The following LHX4 variants were observed in gnomAD, a reference collection of about 807,000 sequenced individuals.
LHX4 encodes LIM homeobox 4, also known as LIM/homeobox protein Lhx4.
In LHX4, 16 loss-of-function variants were observed where a neutral mutation model predicts 39.2. That is an observed-to-expected ratio of 0.41 (90% CI 0.28 to 0.62). The LOEUF (loss-of-function observed/expected upper bound fraction) is 0.62. Among genes scored for constraint, LHX4 ranks in the 20% least tolerant of loss-of-function variants. The pLI is 0.33. For synonymous variants in LHX4, 206 were observed against 198.1 expected, an observed-to-expected ratio of 1.04 and a Z score of -0.33; for missense variants, 439 against 511.9, an observed-to-expected ratio of 0.86 and a Z score of 1.37.
chr1:180,230,226 G>A (rs974154658), upstream of LHX4: 19 of 472,226 alleles, frequency 4.0e-5, no homozygotes, highest in Middle Eastern at 5.8e-4. The surrounding 1 kb of genome is among the most constrained non-coding windows in gnomAD (Gnocchi z 5.8). Flanking sequence ...GAGGGGGAGG[G>A]GGAAGGAGCG....
chr1:180,250,843 C>A (rs778578942), intron 2 of LHX4, among the ~76,000 whole-genome samples: 5 of 152,170 alleles, frequency 3.3e-5, no homozygotes, highest in Non-Finnish European at 5.9e-5. Flanking sequence ...AAGAGGGTCT[C>A]CCTAGACCCA....
intron 1 of LHX4, among the ~76,000 whole-genome samples, chr1:180,242,771 C>T (rs968552929): frequency 2.6e-5 from 4 of 152,076 alleles, no homozygotes; most frequent in Admixed American, 6.5e-5. Flanking sequence ...AGCATCGTCA[C>T]GAAATGCTTA....
At chr1:180,243,896 G>C (rs1376358771) in intron 1 of LHX4, among the ~76,000 whole-genome samples, 1 of 152,186 alleles carries the variant, frequency 6.6e-6, no homozygotes, top group Non-Finnish European at 1.5e-5. Flanking sequence ...CTAAAAAAAT[G>C]ACAGGCTCAA....
intron 3 of LHX4, chr1:180,271,000 G>A: frequency 3.1e-6 from 1 of 326,744 alleles, no homozygotes; most frequent in South Asian, 2.6e-5. Context: ...ACTTCAACCT[G>A]GCTGTTCACC....
intron 1 of LHX4, among the ~76,000 whole-genome samples, chr1:180,242,263 TTG>T (rs145401539): frequency 6.6e-6 from 1 of 151,018 alleles, no homozygotes. Flanking sequence ...GTGCATGTGT[TTG>T]TGTGTGTGTG....
chr1:180,254,452 G>A (rs558358055), intron 2 of LHX4, among the ~76,000 whole-genome samples: 20 of 152,372 alleles, frequency 1.3e-4, no homozygotes, highest in Middle Eastern at 3.4e-3. Context: ...GGTAGGCAGC[G>A]TCCTTGGGAG....
Position 180,275,535 on chromosome 1 carries a change from C to T in LHX4, c.*956C>T, listed in dbSNP as rs1648975282. 6.6e-6 allele frequency: 1 copy of T among 152,228 alleles called. No individual in the cohort carries two copies. The highest frequency in any genetic ancestry group is 6.5e-5 in the Admixed American group (1 of 15,288). 9.4% of individuals were successfully genotyped at this position (152,228 alleles called of 1,614,324 possible). A position where few individuals can be genotyped will look rare whatever the true frequency, so the allele number is the denominator to read the frequency against. On this transcript the variant is annotated 3_prime_UTR_variant, in exon 6 of 6. Coordinates refer to ENST00000263726, the MANE Select transcript of LHX4 (RefSeq NM_033343.4). Reference sequence around the variant, plus strand: ...GCCAGTCTTCCAGAGTTCCCCATCCCTTGTAGGGTGAAATATTTGGAGTCT... The same window carrying T: ...GCCAGTCTTCCAGAGTTCCCCATCCTTTGTAGGGTGAAATATTTGGAGTCT...
At position 180,256,764 on chromosome 1, in the gene LHX4, C is replaced by T. The variant is rs111535974; in HGVS notation, c.248+8308C>T. 4.2e-3 allele frequency among the ~76,000 whole-genome samples: 637 copies of T among 152,246 alleles called. 8 individuals carry two copies. The highest frequency in any genetic ancestry group is 0.014 in the African/African-American group (587 of 41,538). The stretch of plus-strand genomic sequence containing the variant: ...CAGTAAGCACCCCCGATGCGTCTCC[C>T]GCTCGGGGGAGTTTGCTCACAGCTG... On this transcript the variant is annotated intron_variant, in intron 2 of 5. Coordinates refer to ENST00000263726, the MANE Select transcript of LHX4 (RefSeq NM_033343.4).
rs1326248450 is a variant in LHX4 at position 180,277,920 on chromosome 1, G to A, written c.*3341G>A. On this transcript the variant is annotated 3_prime_UTR_variant, in exon 6 of 6. Transcript: ENST00000263726. Reference sequence around the variant, plus strand: ...AACATGAAACCTAGTAAGATAATTGGGCCATTAGATCTTCATCATTAAACT... The same window carrying A: ...AACATGAAACCTAGTAAGATAATTGAGCCATTAGATCTTCATCATTAAACT... The A allele has an allele frequency of 6.6e-6, 1 of 151,952 alleles. No homozygotes were observed. The highest frequency in any genetic ancestry group is 2.4e-5 in the African/African-American group (1 of 41,340). The allele number at this position is 151,952 out of a possible 1,614,324, so 9.4% of individuals were successfully genotyped here.
upstream of LHX4, among the ~76,000 whole-genome samples, chr1:180,228,989 G>C (rs1443113736): frequency 6.6e-6 from 1 of 152,234 alleles, no homozygotes; most frequent in Non-Finnish European, 1.5e-5. Flanking sequence ...GGCAGACGGG[G>C]TGGGCTTCCC....
intron 1 of LHX4, among the ~76,000 whole-genome samples, chr1:180,245,052 G>T (rs1213183313): frequency 6.6e-6 from 1 of 152,176 alleles, no homozygotes; most frequent in Admixed American, 6.5e-5. Flanking sequence ...CATGCCCTTT[G>T]TACTTAACTC....
rs1292729440 is a variant in LHX4 at position 180,232,668 on chromosome 1, G to T, written c.76+2063G>T. 6.6e-6 allele frequency among the ~76,000 whole-genome samples: 1 copy of T among 152,252 alleles called. No homozygotes were observed. The highest frequency in any genetic ancestry group is 6.5e-5 in the Admixed American group (1 of 15,282). On this transcript the variant is annotated intron_variant, in intron 1 of 5. Coordinates refer to ENST00000263726, the MANE Select transcript of LHX4 (RefSeq NM_033343.4). The surrounding 1 kb of genome is among the most constrained non-coding windows in gnomAD (Gnocchi z 5.4). ...CACTCCCTGAAGACTTCTGGATCCA[G>T]CTTTTATTTCCTCTTGGAATGTGAA...
chr1:180,271,563 G>A (rs200942654), intron 4 of LHX4, 29 bp downstream of exon 4: 197 of 1,613,156 alleles, frequency 1.2e-4, no homozygotes, highest in South Asian at 2.7e-4. Context: ...TGTGCCCTCC[G>A]GGGATCCCAG....
intron 1 of LHX4, among the ~76,000 whole-genome samples, chr1:180,239,886 A>C (rs1664409503): frequency 6.6e-6 from 1 of 152,206 alleles, no homozygotes; most frequent in Non-Finnish European, 1.5e-5. Context: ...CCCTGGGAGC[A>C]CTGCTGGCTG....
intron 1 of LHX4, among the ~76,000 whole-genome samples, chr1:180,243,632 C>T (rs935559095): frequency 1.3e-5 from 2 of 152,030 alleles, no homozygotes; most frequent in East Asian, 1.9e-4. Context: ...TAGGGATGGG[C>T]GCCATCAACA....
Position 180,278,715 on chromosome 1 carries a change from A to G in LHX4, c.*4136A>G. 1 of 152,042 alleles carries G rather than the reference A, an allele frequency of 6.6e-6. No individual in the cohort carries two copies. Among genetic ancestry groups the G allele is most frequent in the Non-Finnish European group, 1.5e-5 (1 of 68,014 alleles). 9.4% of individuals were successfully genotyped at this position (152,042 alleles called of 1,614,324 possible). A position where few individuals can be genotyped will look rare whatever the true frequency, so the allele number is the denominator to read the frequency against. On this transcript the variant is annotated 3_prime_UTR_variant, in exon 6 of 6. Transcript: ENST00000263726. ...ATTCCAGAAGTTGCTCTGAGCTTGC[A>G]ATCAGACCTCAAAGCCCCAGATCCC...
At chr1:180,243,096 C>A (rs111400187) in intron 1 of LHX4, among the ~76,000 whole-genome samples, 9,351 of 152,200 alleles carry the variant, frequency 0.061, 437 homozygotes, top group South Asian at 0.2. Context: ...TCAAGTGATT[C>A]TCATGCCTCA....
chr1:180,258,322 C>T lies in LHX4; in HGVS notation c.249-8070C>T, dbSNP rs540611617. ...AGCGTGCCAGCAGGGAAGCAGTGCC[C>T]GGGCCCCAGGAGGAGGCGGAGTGGA... On this transcript the variant is annotated intron_variant, in intron 2 of 5. Coordinates refer to ENST00000263726, the MANE Select transcript of LHX4 (RefSeq NM_033343.4). Among the ~76,000 whole-genome samples the T allele has an allele frequency of 7.3e-4, 111 of 152,224 alleles. No individual in the cohort carries two copies. The South Asian group carries it at 1.0e-2, about 14-fold the overall frequency.
chr1:180,246,879 G>A (rs1647408942), intron 1 of LHX4, among the ~76,000 whole-genome samples: 1 of 152,136 alleles, frequency 6.6e-6, no homozygotes, highest in Admixed American at 6.5e-5. Flanking sequence ...AACATCTATG[G>A]CATTACCCTT....
Sources: gnomAD v4.1 joint callset for allele counts (sites outside exome capture counted in the v4.1 genomes callset) on GRCh38, gnomAD v4.1.1 for gene constraint, Gnocchi (gnomAD v3.1) non-coding constraint, MANE v1.5 for transcripts, NCBI Gene and HGNC (gene_info 2026-07-23, HGNC 2026-07-21) for gene names.